The following LINGO2 variants were observed in gnomAD, a reference collection of about 807,000 sequenced individuals.
LINGO2 encodes leucine rich repeat and Ig domain containing 2.
Under a neutral mutation model 30.6 loss-of-function variants are expected in LINGO2, and 14 were observed. The observed-to-expected ratio is 0.46, with a 90% CI of 0.30 to 0.72. The LOEUF (loss-of-function observed/expected upper bound fraction) is 0.72, where lower values mean the gene tolerates loss of function less well. Among genes scored for constraint, LINGO2 ranks in the 30% least tolerant of loss-of-function variants. The pLI is 0.07. For missense variants in LINGO2, 729 were observed against 751.7 expected, an observed-to-expected ratio of 0.97 and a Z score of 0.35; for synonymous variants, 317 against 288.5, an observed-to-expected ratio of 1.10 and a Z score of -1.00.
chr9:28,982,820 T>C, the LINGO2 span, among the ~76,000 whole-genome samples: 1 of 152,098 alleles, frequency 6.6e-6, no homozygotes, highest in African/African-American at 2.4e-5. Flanking sequence ...TGAAAAACTT[T>C]ACCTTGCAGA....
intron 4 of LINGO2, among the ~76,000 whole-genome samples, chr9:28,167,676 T>C (rs910533500): frequency 8.5e-5 from 13 of 152,206 alleles, no homozygotes; most frequent in African/African-American, 2.7e-4. Context: ...TGTGAGCCAC[T>C]GCACCCCACC....
the LINGO2 span, among the ~76,000 whole-genome samples, chr9:28,766,069 G>T: frequency 6.6e-6 from 1 of 151,900 alleles, no homozygotes; most frequent in African/African-American, 2.4e-5. Flanking sequence ...AAAAGCTCAG[G>T]CAACAAAAGC....
At chr9:28,218,910 T>C (rs1820861879) in intron 4 of LINGO2, among the ~76,000 whole-genome samples, 1 of 152,206 alleles carries the variant, frequency 6.6e-6, no homozygotes, top group South Asian at 2.1e-4. Context: ...AGGTTTCTAC[T>C]TCTGAGTGCC....
chr9:28,322,476 C>G (rs1006813516), intron 3 of LINGO2, among the ~76,000 whole-genome samples: 4 of 103,472 alleles, frequency 3.9e-5, no homozygotes, highest in Admixed American at 1.0e-4. Flanking sequence ...CACACACACA[C>G]ACACGTTTAC....
At chr9:28,308,756 C>T (rs1325750425) in intron 3 of LINGO2, among the ~76,000 whole-genome samples, 3 of 151,720 alleles carry the variant, frequency 2.0e-5, no homozygotes, top group Non-Finnish European at 2.9e-5. Flanking sequence ...ACAACCCCAT[C>T]AAAAAGTGGG....
At chr9:28,244,819 CA>C (rs111672074) in intron 4 of LINGO2, among the ~76,000 whole-genome samples, 112,091 of 140,416 alleles carry the variant, frequency 0.8, 44,256 homozygotes, top group East Asian at 0.85. Flanking sequence ...GTATGCCAAC[CA>C]AAAAAAAAAA....
chr9:28,201,905 C>A (rs754821021), intron 4 of LINGO2, among the ~76,000 whole-genome samples: 2 of 152,088 alleles, frequency 1.3e-5, no homozygotes, highest in African/African-American at 4.8e-5. Flanking sequence ...GCTACACTTG[C>A]GATCTCCCTT....
chr9:28,941,748 G>A, the LINGO2 span, among the ~76,000 whole-genome samples: 2 of 152,130 alleles, frequency 1.3e-5, no homozygotes, highest in Admixed American at 6.6e-5. Flanking sequence ...TAATTTTGGG[G>A]TTACTATATA....
chr9:28,826,834 A>G, the LINGO2 span, among the ~76,000 whole-genome samples: 139 of 152,308 alleles, frequency 9.1e-4, 1 homozygote, highest in South Asian at 0.028. Flanking sequence ...GATTGCAGTA[A>G]AGTAAAACAA....
intron 3 of LINGO2, among the ~76,000 whole-genome samples, chr9:28,353,306 G>A (rs1203883786): frequency 2.0e-5 from 3 of 148,886 alleles, no homozygotes; most frequent in African/African-American, 7.4e-5. Flanking sequence ...AAATTTACAA[G>A]AAAAAAACAA....
chr9:28,091,120 A>C (rs12003132), intron 4 of LINGO2, among the ~76,000 whole-genome samples: 3,323 of 152,218 alleles, frequency 0.022, 105 homozygotes, highest in African/African-American at 0.073. Context: ...AATCAATATC[A>C]TGAAAATGGC....
At chr9:28,243,031 A>G (rs1821857079) in intron 4 of LINGO2, among the ~76,000 whole-genome samples, 5 of 152,188 alleles carry the variant, frequency 3.3e-5, no homozygotes, top group Admixed American at 3.3e-4. Context: ...AGAAAATATA[A>G]ACACCATTGA....
the LINGO2 span, among the ~76,000 whole-genome samples, chr9:28,910,396 C>T: frequency 1.3e-5 from 2 of 151,950 alleles, no homozygotes; most frequent in Non-Finnish European, 2.9e-5. Flanking sequence ...TCTTTAGATA[C>T]AGTGTAGCAA....
intron 1 of LINGO2, among the ~76,000 whole-genome samples, chr9:28,603,477 C>G (rs1300836074): frequency 6.6e-6 from 1 of 152,058 alleles, no homozygotes; most frequent in East Asian, 1.9e-4. Flanking sequence ...GAACTGATGT[C>G]TGCAGAATAT....
chr9:28,307,414 T>C (rs1028569450), intron 3 of LINGO2, among the ~76,000 whole-genome samples: 3 of 152,158 alleles, frequency 2.0e-5, no homozygotes, highest in Non-Finnish European at 2.9e-5. Context: ...AAATTAGGTA[T>C]TGATGGGACG....
chr9:28,706,608 T>C, the LINGO2 span, among the ~76,000 whole-genome samples: 1 of 152,140 alleles, frequency 6.6e-6, no homozygotes, highest in Non-Finnish European at 1.5e-5. Flanking sequence ...GTCTTCATGA[T>C]AGACATGCTA....
the LINGO2 span, among the ~76,000 whole-genome samples, chr9:29,194,410 C>G: frequency 1.3e-5 from 2 of 152,156 alleles, no homozygotes; most frequent in Non-Finnish European, 2.9e-5. Flanking sequence ...ACTGATTAGT[C>G]CTATGTTTCT....
At chr9:28,679,579 T>C in the LINGO2 span, among the ~76,000 whole-genome samples, 1 of 152,084 alleles carries the variant, frequency 6.6e-6, no homozygotes, top group Non-Finnish European at 1.5e-5. Flanking sequence ...ATTTAATGTA[T>C]ACAACTTCAT....
chr9:28,760,513 T>A, the LINGO2 span, among the ~76,000 whole-genome samples: 4 of 152,208 alleles, frequency 2.6e-5, no homozygotes, highest in East Asian at 1.9e-4. Flanking sequence ...TTTAATTTTT[T>A]ATTTTACCAT....
Sources: allele counts gnomAD v4.1 joint callset (sites outside exome capture counted in the v4.1 genomes callset), GRCh38; gene constraint gnomAD v4.1.1; transcripts MANE v1.5; gene names NCBI Gene and HGNC (gene_info 2026-07-23, HGNC 2026-07-21).